The following PSD3 variants were observed in gnomAD, a reference collection of about 807,000 sequenced individuals.
PSD3 encodes pleckstrin and Sec7 domain containing 3.
Under a neutral mutation model 105.5 loss-of-function variants are expected in PSD3, and 49 were observed. The observed-to-expected ratio is 0.46, with a 90% confidence interval of 0.37 to 0.59. PSD3 has a LOEUF of 0.59. Ranked by LOEUF, PSD3 falls within the 20% of genes least tolerant of loss-of-function variation. The pLI is 0.00. For synonymous variants in PSD3, 557 were observed against 457.8 expected (o/e 1.22, Z -2.77); for missense variants, 1,561 against 1,263.8 (o/e 1.24, Z -3.57).
intron 1 of PSD3, among the ~76,000 whole-genome samples, chr8:18,940,736 A>T (rs1822481750): frequency 1.3e-5 from 2 of 152,232 alleles, no homozygotes; most frequent in South Asian, 2.1e-4. Flanking sequence ...CCCTTACATC[A>T]AATTCCTACC....
At position 18,815,185 on chromosome 8, in the gene PSD3, C is replaced by G. The variant is rs1025259429; in HGVS notation, c.1635-10287G>C. Among the ~76,000 whole-genome samples, 6 of 152,316 alleles carry G rather than the reference C, an allele frequency of 3.9e-5. No homozygotes were observed. In the East Asian group the frequency reaches 1.2e-3, roughly 29 times the overall value. On this transcript the variant is annotated intron_variant, in intron 4 of 15. Coordinates refer to ENST00000327040, the MANE Select transcript of PSD3 (RefSeq NM_015310.4). ...CCTCCCATTGCTCCCACCCCCTTTT[C>G]TCTTCTAACTCTTCCATCTTCTGGG...
intron 1 of PSD3, among the ~76,000 whole-genome samples, chr8:19,034,825 T>C (rs1030408561): frequency 6.6e-6 from 1 of 152,166 alleles, no homozygotes; most frequent in East Asian, 1.9e-4. Context: ...AAAACTCCCG[T>C]TCTTCCACTT....
At chr8:18,569,517 G>C (rs1451752984) in intron 14 of PSD3, among the ~76,000 whole-genome samples, 1 of 140,064 alleles carries the variant, frequency 7.1e-6, no homozygotes. Context: ...GCTTCAAAGA[G>C]AATAAAATAC....
intron 2 of PSD3, among the ~76,000 whole-genome samples, chr8:18,929,235 T>A (rs1821579278): frequency 7.0e-6 from 1 of 142,094 alleles, no homozygotes. Flanking sequence ...CAAAAGAAAA[T>A]AAATTCACAA....
At chr8:18,777,419 C>T (rs1293797971) in intron 8 of PSD3, among the ~76,000 whole-genome samples, 1 of 152,180 alleles carries the variant, frequency 6.6e-6, no homozygotes, top group Non-Finnish European at 1.5e-5. Flanking sequence ...CTGAACTTCA[C>T]TTTTTATGCT....
At chr8:18,692,602 C>CT (rs1446000216) in intron 9 of PSD3, among the ~76,000 whole-genome samples, 1 of 152,080 alleles carries the variant, frequency 6.6e-6, no homozygotes, top group Non-Finnish European at 1.5e-5. Flanking sequence ...TGATGAGAGG[C>CT]TTTTTTAAAG....
chr8:18,930,587 T>A (rs1399439483), intron 2 of PSD3, among the ~76,000 whole-genome samples: 1 of 141,138 alleles, frequency 7.1e-6, no homozygotes, highest in Non-Finnish European at 1.6e-5. Context: ...TTTTTTTTTT[T>A]TGAGATGGAG....
chr8:18,821,718 C>CACACACACACACACACA (rs1554513426), intron 4 of PSD3, among the ~76,000 whole-genome samples: 6 of 64,484 alleles, frequency 9.3e-5, no homozygotes, highest in East Asian at 2.3e-4. Flanking sequence ...CACACACACA[C>CACACACACACACACACA]CCCAATAACA....
At chr8:18,743,730 A>T (rs1236918973) in intron 9 of PSD3, among the ~76,000 whole-genome samples, 2 of 151,216 alleles carry the variant, frequency 1.3e-5, no homozygotes, top group East Asian at 3.9e-4. Context: ...TGAGGCCAGG[A>T]ATTTGAGACC....
intron 9 of PSD3, among the ~76,000 whole-genome samples, chr8:18,712,169 GCTACAAAGACCTCA>G (rs1193086437): frequency 6.6e-6 from 1 of 152,050 alleles, no homozygotes; most frequent in Non-Finnish European, 1.5e-5. Context: ...ACAGCAAAAA[GCTACAAAGACCTCA>G]CATCAACAAC....
chr8:18,888,482 C>G (rs969831725), intron 2 of PSD3, among the ~76,000 whole-genome samples: 1 of 148,820 alleles, frequency 6.7e-6, no homozygotes, highest in Non-Finnish European at 1.5e-5. Context: ...CAATTTCCAT[C>G]TGAAAAAAAA....
chr8:18,688,958 T>C (rs890580639), intron 9 of PSD3, among the ~76,000 whole-genome samples: 1 of 152,174 alleles, frequency 6.6e-6, no homozygotes, highest in African/African-American at 2.4e-5. Context: ...CAAATCAAAA[T>C]AGCAGGAGAC....
chr8:18,765,638 A>C (rs1806918575), intron 8 of PSD3, 100 bp from the exon 9 acceptor site: 2 of 1,075,382 alleles, frequency 1.9e-6, no homozygotes, highest in Admixed American at 1.7e-5. Context: ...TTCTAAAAAC[A>C]TAACTAGGCC....
intron 9 of PSD3, among the ~76,000 whole-genome samples, chr8:18,684,518 C>A (rs996276025): frequency 1.3e-5 from 2 of 152,100 alleles, no homozygotes; most frequent in Non-Finnish European, 2.9e-5. Flanking sequence ...TGAAACGATG[C>A]GAGACACAAA....
At chr8:18,898,024 T>G (rs1346278094) in intron 2 of PSD3, among the ~76,000 whole-genome samples, 1 of 152,226 alleles carries the variant, frequency 6.6e-6, no homozygotes, top group Admixed American at 6.5e-5. Flanking sequence ...AGGAAAAGTT[T>G]GCAGCTTTCC....
intron 2 of PSD3, among the ~76,000 whole-genome samples, chr8:18,881,625 A>C (rs766912757): frequency 1.6e-4 from 25 of 152,260 alleles, no homozygotes; most frequent in African/African-American, 5.5e-4. Context: ...CCCAGACTAT[A>C]TGGCAGTCAC....
chr8:18,839,212 G>A (rs1156307282), intron 4 of PSD3, among the ~76,000 whole-genome samples: 1 of 151,996 alleles, frequency 6.6e-6, no homozygotes, highest in South Asian at 2.1e-4. Flanking sequence ...GTGTAAATGT[G>A]GTGAGTTCAT....
intron 9 of PSD3, among the ~76,000 whole-genome samples, chr8:18,748,504 C>T (rs1805206120): frequency 2.0e-5 from 3 of 151,596 alleles, no homozygotes; most frequent in African/African-American, 4.8e-5. Flanking sequence ...ACTAAAAATA[C>T]AAAAAATTAG....
At chr8:18,589,726 A>C (rs1012185940) in intron 12 of PSD3, among the ~76,000 whole-genome samples, 1 of 152,204 alleles carries the variant, frequency 6.6e-6, no homozygotes, top group Non-Finnish European at 1.5e-5. Flanking sequence ...AGCAGCCCTG[A>C]AATGAGCCAA....
Sources: allele counts gnomAD v4.1 joint callset (sites outside exome capture counted in the v4.1 genomes callset), GRCh38; gene constraint gnomAD v4.1.1; transcripts MANE v1.5; gene names NCBI Gene and HGNC (gene_info 2026-07-23, HGNC 2026-07-21).